The following SLC23A2 variants were observed in gnomAD, a reference collection of about 807,000 sequenced individuals.
SLC23A2 encodes the protein Na(+)/L-ascorbic acid transporter 2.
In SLC23A2, 36 loss-of-function variants were observed where a neutral mutation model predicts 73.3. The observed-to-expected ratio is 0.49, with a 90% CI of 0.38 to 0.65. SLC23A2 has a LOEUF of 0.65. Ranked by LOEUF, SLC23A2 falls within the 30% of genes least tolerant of loss-of-function variation. The pLI is 0.00. For missense variants in SLC23A2, 507 were observed against 841.6 expected, an observed-to-expected ratio of 0.60 and a Z score of 4.92; for synonymous variants, 343 against 327.3, an observed-to-expected ratio of 1.05 and a Z score of -0.52.
rs753268935 is a variant in SLC23A2, at chr20:4,869,929, G to A, written c.1227C>T (p.Pro409=). Residue 409 remains proline, a synonymous_variant, in exon 12 of 17, where the codon CCC becomes CCT. Transcript: ENST00000338244. ...YACARLSCAP[P]PPIHAINRGI... The stretch of plus-strand genomic sequence containing the variant: ...ACCTGTTTATTGCGTGGATGGGGGG[G>A]GGTGGGGCACAGGACAGCCGTGCAC... 78 of 1,609,054 alleles carry A rather than the reference G, an allele frequency of 4.8e-5. No individual in the cohort carries two copies. The highest frequency in any genetic ancestry group is 1.7e-4 in the Middle Eastern group (1 of 6,046).
intron 3 of SLC23A2, 26 bp from the exon 4 acceptor site, chr20:4,913,004 T>G: frequency 3.4e-6 from 5 of 1,474,038 alleles, no homozygotes; most frequent in Non-Finnish European, 4.7e-6. Flanking sequence ...ACTTAGAGGC[T>G]GTTTCAGCGT....
chr20:4,944,220 G>A (rs1320951389), intron 2 of SLC23A2, among the ~76,000 whole-genome samples: 1 of 152,004 alleles, frequency 6.6e-6, no homozygotes, highest in Admixed American at 6.6e-5. Context: ...ACCTACCTTG[G>A]GGGCTTGGGA....
chr20:4,889,398 A>G (rs1715374), intron 6 of SLC23A2, among the ~76,000 whole-genome samples: 76,383 of 151,460 alleles, frequency 0.5, 19,761 homozygotes, highest in African/African-American at 0.59. Context: ...AATGCCCCGC[A>G]TTCTTCCTGC....
chr20:4,932,751 G>A (rs533585688), intron 2 of SLC23A2, 35 bp from the exon 3 acceptor site: 1 of 565,998 alleles, frequency 1.8e-6, no homozygotes, highest in African/African-American at 1.9e-5. Flanking sequence ...TCACCCCAAA[G>A]CATGAAAACA....
At chr20:4,961,824 A>G (rs994043293) in intron 2 of SLC23A2, among the ~76,000 whole-genome samples, 2 of 152,216 alleles carry the variant, frequency 1.3e-5, no homozygotes, top group African/African-American at 4.8e-5. Flanking sequence ...AGAATCTCTA[A>G]CTAAGCCACA....
chr20:4,898,202 C>A (rs1931618729), intron 6 of SLC23A2, among the ~76,000 whole-genome samples: 1 of 152,206 alleles, frequency 6.6e-6, no homozygotes. Context: ...TTCAGCCCAG[C>A]TTGGTGGTTG....
Position 4,885,875 on chromosome 20 carries a change from A to T in SLC23A2, c.517T>A (p.Leu173Met). ...GACAGGATGGCTCGAGCAGGGGCCAAAAATGCAAAAGCACTGGCCTGAAAC... is the reference window on the plus strand; with the variant it reads ...GACAGGATGGCTCGAGCAGGGGCCATAAATGCAAAAGCACTGGCCTGAAAC... ...PLFQASAFAF[L>M]APARAILSLD... The change falls in exon 7 of 17, where the codon TTG becomes ATG. Residue 173 changes from leucine (L) to methionine (M), a missense_variant. Physicochemically the swap from Leu to Met is conservative, Grantham distance 15. This residue lies in a region of SLC23A2 where 217 missense variants were observed against 398.0 expected (regional missense o/e 0.55). Transcript: ENST00000338244. 2 of 1,613,972 alleles carry T rather than the reference A, an allele frequency of 1.2e-6. No homozygotes were observed. The highest frequency in any genetic ancestry group is 1.7e-6 in the Non-Finnish European group (2 of 1,179,870).
At chr20:4,979,701 A>G (rs961739903) in intron 1 of SLC23A2, among the ~76,000 whole-genome samples, 1 of 152,176 alleles carries the variant, frequency 6.6e-6, no homozygotes, top group Non-Finnish European at 1.5e-5. Context: ...AAATCTATAA[A>G]ATACTTTAAA....
chr20:4,886,479 T>A (rs1395926611), intron 6 of SLC23A2, among the ~76,000 whole-genome samples: 1 of 152,188 alleles, frequency 6.6e-6, no homozygotes, highest in African/African-American at 2.4e-5. Flanking sequence ...TGCTTAATCA[T>A]AAAAATACTT....
At chr20:4,875,888 A>C (rs915975880) in intron 9 of SLC23A2, among the ~76,000 whole-genome samples, 10 of 152,204 alleles carry the variant, frequency 6.6e-5, no homozygotes, top group Non-Finnish European at 1.0e-4. Flanking sequence ...GTTGAGATGG[A>C]ATCATTAGCC....
At chr20:4,922,852 C>T (rs952119075) in intron 3 of SLC23A2, among the ~76,000 whole-genome samples, 7 of 151,028 alleles carry the variant, frequency 4.6e-5, no homozygotes, top group Admixed American at 4.6e-4. Context: ...AGCACACACA[C>T]ACACACACAC....
At chr20:4,860,808 A>G (rs1017682842) in intron 15 of SLC23A2, among the ~76,000 whole-genome samples, 5 of 152,134 alleles carry the variant, frequency 3.3e-5, no homozygotes, top group East Asian at 1.9e-4. Flanking sequence ...TGGGAGGCCA[A>G]TGCAGGTGGA....
intron 1 of SLC23A2, among the ~76,000 whole-genome samples, chr20:4,986,651 C>T (rs1600206511): frequency 1.1e-5 from 1 of 89,186 alleles, no homozygotes; most frequent in African/African-American, 6.1e-5. Flanking sequence ...TACACACATA[C>T]ACACACACAC....
At chr20:4,961,232 T>TCAC (rs1414828810) in intron 2 of SLC23A2, among the ~76,000 whole-genome samples, 1 of 151,752 alleles carries the variant, frequency 6.6e-6, no homozygotes, top group Non-Finnish European at 1.5e-5. Context: ...TAGGCACGTG[T>TCAC]CACCATGCCC....
intron 3 of SLC23A2, among the ~76,000 whole-genome samples, chr20:4,927,833 G>A (rs1460556488): frequency 1.3e-5 from 2 of 151,768 alleles, no homozygotes; most frequent in Non-Finnish European, 2.9e-5. Context: ...TTCTTCCTGT[G>A]CTACCCCACT....
At chr20:4,910,003 T>C (rs1297234898) in intron 4 of SLC23A2, among the ~76,000 whole-genome samples, 1 of 152,184 alleles carries the variant, frequency 6.6e-6, no homozygotes, top group Non-Finnish European at 1.5e-5. Context: ...GGGCAGCACA[T>C]CCAGTGCAGG....
Position 4,859,367 on chromosome 20 carries a change from G to C in SLC23A2, c.1642C>G (p.Gln548Glu). ...PLVTGITGIDQVLNVLLTTAM... is the reference protein window; with the variant it reads ...PLVTGITGIDEVLNVLLTTAM... ...GTTGTGAGAAGGACGTTCAACACTT[G>C]ATCGATTCCTGTTATCCCTAGAAAG... Residue 548 changes from glutamine (Q) to glutamate (E), a missense_variant, in exon 16 of 17, where the codon CAA becomes GAA. Gln to Glu is a conservative substitution (Grantham distance 29). Transcript: ENST00000338244. 6.2e-7 allele frequency: 1 copy of C among 1,611,256 alleles called. No homozygotes were observed. Among genetic ancestry groups the C allele is most frequent in the Non-Finnish European group, 8.5e-7 (1 of 1,177,462 alleles).
At chr20:5,006,037 A>C (rs1311259660), upstream of SLC23A2, among the ~76,000 whole-genome samples, 1 of 152,178 alleles carries the variant, frequency 6.6e-6, no homozygotes, top group Non-Finnish European at 1.5e-5. Flanking sequence ...AAATTTCCAC[A>C]GATTTCTTAT....
intron 2 of SLC23A2, among the ~76,000 whole-genome samples, chr20:4,950,724 A>G (rs2087187988): frequency 6.6e-6 from 1 of 152,000 alleles, no homozygotes; most frequent in African/African-American, 2.4e-5. Context: ...CCCTTCCCAA[A>G]TCCAGAAAGG....
Sources: allele counts gnomAD v4.1 joint callset (sites outside exome capture counted in the v4.1 genomes callset), GRCh38; gene constraint gnomAD v4.1.1; regional missense constraint gnomAD v4.1.1; transcripts MANE v1.5; gene names NCBI Gene and HGNC (gene_info 2026-07-23, HGNC 2026-07-21).